IL34: variants seen among roughly 807,000 people sequenced by gnomAD.
IL34 encodes the protein interleukin 34, also known as interleukin-34.
IL34 carries 17 observed loss-of-function variants against 25.3 expected under a neutral mutation model. The observed-to-expected ratio is 0.67, with a 90% CI of 0.46 to 1.01. The LOEUF (loss-of-function observed/expected upper bound fraction) is 1.01, where lower values mean the gene tolerates loss of function less well. IL34 is among the 50% of genes least tolerant of loss of function. The pLI is 0.00. For missense variants in IL34, 368 were observed against 312.9 expected (o/e 1.18, Z -1.33); for synonymous variants, 174 against 140.9 (o/e 1.23, Z -1.66).
chr16:70,657,039 A>T lies in IL34; in HGVS notation c.320A>T (p.Asp107Val). 6.2e-7 allele frequency: 1 copy of T among 1,612,718 alleles called. No individual in the cohort carries two copies. Among genetic ancestry groups the T allele is most frequent in the Non-Finnish European group, 8.5e-7 (1 of 1,179,990 alleles). Residue 107 changes from aspartate (D) to valine (V), a missense_variant, in exon 4 of 6, where the codon GAC (aspartate) becomes GTC (valine). Asp to Val is a radical substitution (Grantham distance 152). Coordinates refer to ENST00000288098, the MANE Select transcript of IL34 (RefSeq NM_001393494.1). Reference sequence around the variant, plus strand: ...CTCAGTGCCACTGAGTCGGTGCAGGACGTGCTGCTCGAGGGCCACCCATCC... The same window carrying T: ...CTCAGTGCCACTGAGTCGGTGCAGGTCGTGCTGCTCGAGGGCCACCCATCC... ...VSLSATESVQ[D>V]VLLEGHPSWK...
chr16:70,653,735 C>G (rs2052140318), intron 1 of IL34, among the ~76,000 whole-genome samples: 1 of 152,088 alleles, frequency 6.6e-6, no homozygotes, highest in African/African-American at 2.4e-5. Context: ...ATTTATTTAT[C>G]TAGTTAGTGA....
intron 1 of IL34, among the ~76,000 whole-genome samples, chr16:70,626,641 C>T (rs980529329): frequency 9.8e-5 from 15 of 152,302 alleles, no homozygotes; most frequent in Middle Eastern, 3.4e-3. Flanking sequence ...GGTGATCTGC[C>T]CACCTCAGCC....
In IL34 at chr16:70,660,460, T is replaced by G. The variant is rs1385042525; in HGVS notation, c.*273T>G. On this transcript the variant is annotated 3_prime_UTR_variant, in exon 6 of 6. Coordinates refer to ENST00000288098, the MANE Select transcript of IL34 (RefSeq NM_001393494.1). ...TGGCTTCTCCTGGTGCTGCCCTCAC[T>G]GTCCCCCCGCCTAAAGGGGGTACTG... 2 of 372,950 alleles carry G rather than the reference T, an allele frequency of 5.4e-6. No homozygotes were observed. Among genetic ancestry groups the G allele is most frequent in the Non-Finnish European group, 9.6e-6 (2 of 208,790 alleles). 23.1% of individuals were successfully genotyped at this position (372,950 alleles called of 1,614,324 possible). A position where few individuals can be genotyped will look rare whatever the true frequency, so the allele number is the denominator to read the frequency against.
intron 1 of IL34, among the ~76,000 whole-genome samples, chr16:70,626,091 G>C (rs935101349): frequency 2.0e-5 from 3 of 152,208 alleles, no homozygotes; most frequent in African/African-American, 7.2e-5. Context: ...CCTGGGTGCA[G>C]GTGGGCTGAG....
At chr16:70,583,959 A>G (rs1283237977) in intron 1 of IL34, among the ~76,000 whole-genome samples, 1 of 152,048 alleles carries the variant, frequency 6.6e-6, no homozygotes, top group Non-Finnish European at 1.5e-5. Context: ...GCCCAGGGCA[A>G]TTAGGCTTCT....
At chr16:70,639,047 G>C (rs187743911) in intron 1 of IL34, among the ~76,000 whole-genome samples, 7 of 152,336 alleles carry the variant, frequency 4.6e-5, no homozygotes, top group Admixed American at 2.0e-4. Context: ...TGGTGATTCT[G>C]TGGCTTGTAA....
intron 1 of IL34, among the ~76,000 whole-genome samples, chr16:70,602,238 C>A (rs1203374836): frequency 2.0e-5 from 3 of 152,204 alleles, no homozygotes; most frequent in African/African-American, 7.2e-5. Flanking sequence ...TGGTCTCTTC[C>A]TTTGCTTTCA....
chr16:70,602,583 A>ATGTGTGTGTGTGTGTG (rs3058045), intron 1 of IL34, among the ~76,000 whole-genome samples: 232 of 135,010 alleles, frequency 1.7e-3, no homozygotes, highest in African/African-American at 6.0e-3. Context: ...TTTGGAATTG[A>ATGTGTGTGTGTGTGTG]TGTGTGTGTG....
chr16:70,616,682 C>T (rs1376250356), intron 1 of IL34, among the ~76,000 whole-genome samples: 4 of 152,052 alleles, frequency 2.6e-5, no homozygotes, highest in Admixed American at 6.6e-5. Flanking sequence ...GTGGATCTCA[C>T]ACAGTACATT....
Position 70,659,745 on chromosome 16 carries a change from G to A in IL34, c.530G>A (p.Cys177Tyr). The A allele has an allele frequency of 6.2e-7, 1 of 1,601,152 alleles. No homozygotes were observed. Among genetic ancestry groups the A allele is most frequent in the Non-Finnish European group, 8.5e-7 (1 of 1,172,774 alleles). ...NCFRVMELLY[C>Y]SCCKQSSVLN... ...TTCCGGGTCATGGAGCTGCTGTACT[G>A]CTCCTGCTGTAAGGAGCTCTCAGGG... Residue 177 changes from cysteine to tyrosine, a missense_variant, in exon 5 of 6, where the codon TGC (cysteine) becomes TAC (tyrosine). Coordinates refer to ENST00000288098, the MANE Select transcript of IL34 (RefSeq NM_001393494.1).
At chr16:70,605,646 C>G (rs1015613972) in intron 1 of IL34, among the ~76,000 whole-genome samples, 1 of 152,120 alleles carries the variant, frequency 6.6e-6, no homozygotes, top group Admixed American at 6.6e-5. Context: ...TTATTTGTTA[C>G]AATGAGACCT....
intron 1 of IL34, among the ~76,000 whole-genome samples, chr16:70,618,436 A>G (rs12923782): frequency 0.36 from 55,331 of 151,858 alleles, 10,610 homozygotes; most frequent in South Asian, 0.61. Context: ...AGGAGCCGGG[A>G]AGCAGAAATT....
intron 1 of IL34, chr16:70,654,311 C>T (rs1597780930): frequency 4.8e-6 from 2 of 418,670 alleles, no homozygotes; most frequent in Middle Eastern, 6.2e-4. Context: ...CAGTGGCCGG[C>T]ATGGGGTGGG....
chr16:70,612,730 A>T (rs888670561), intron 1 of IL34, among the ~76,000 whole-genome samples: 1 of 126,512 alleles, frequency 7.9e-6, no homozygotes, highest in Non-Finnish European at 1.5e-5. Flanking sequence ...GGGATTCCTC[A>T]GCTTCCCCAA....
Position 70,621,613 on chromosome 16 carries a change from A to T in IL34, c.-400-24935A>T, listed in dbSNP as rs1378258256. ...GATCCGAGTCATGGCACCAAATTTCATGCGCGTCCGTGTGAAGAGACCATC... is the reference window on the plus strand; with the variant it reads ...GATCCGAGTCATGGCACCAAATTTCTTGCGCGTCCGTGTGAAGAGACCATC... On this transcript the variant is annotated intron_variant, in intron 1 of 6. Transcript: ENST00000429149. Among the ~76,000 whole-genome samples the T allele has an allele frequency of 2.1e-4, 32 of 152,136 alleles. 1 individual carries two copies. Among genetic ancestry groups the T allele is most frequent in the Admixed American group, 2.1e-3 (32 of 15,272 alleles).
At chr16:70,642,917 G>A (rs143577995), upstream of IL34, among the ~76,000 whole-genome samples, 1 of 152,184 alleles carries the variant, frequency 6.6e-6, no homozygotes. Flanking sequence ...GGGGCTGGGA[G>A]GAAGAGGGAA....
chr16:70,646,643 C>T lies in IL34; in HGVS notation c.-305C>T, dbSNP rs150095704. ...GGGGCCTGCCAGGGACTCTCTCCTC[C>T]TGCTCCTTGGAAAGGAAGACCCCGA... On this transcript the variant is annotated 5_prime_UTR_variant, in exon 1 of 6. Transcript: ENST00000288098. The T allele has an allele frequency of 1.9e-3, 788 of 413,824 alleles. 4 individuals are homozygous for T. The highest frequency in any genetic ancestry group is 7.9e-3 in the East Asian group (203 of 25,622). The allele number at this position is 413,824 out of a possible 1,614,324, so 25.6% of individuals were successfully genotyped here.
intron 1 of IL34, among the ~76,000 whole-genome samples, chr16:70,612,511 T>C (rs888711119): frequency 6.6e-6 from 1 of 152,246 alleles, no homozygotes; most frequent in Non-Finnish European, 1.5e-5. Flanking sequence ...TTTAGTTTCC[T>C]GAATTCTGCT....
At chr16:70,617,669 T>A (rs2051194145) in intron 1 of IL34, among the ~76,000 whole-genome samples, 1 of 152,086 alleles carries the variant, frequency 6.6e-6, no homozygotes, top group South Asian at 2.1e-4. Flanking sequence ...GTGGCTGAGC[T>A]TGGTGAGGTG....
Sources: gnomAD v4.1 joint callset for allele counts (sites outside exome capture counted in the v4.1 genomes callset) on GRCh38, gnomAD v4.1.1 for gene constraint, MANE v1.5 for transcripts, NCBI Gene and HGNC (gene_info 2026-07-23, HGNC 2026-07-21) for gene names.